Variants in DOCK9 observed in about 807,000 individuals in gnomAD.
DOCK9 encodes the protein dedicator of cytokinesis protein 9.
DOCK9 carries 89 observed loss-of-function variants against 263.3 expected under a neutral mutation model. That is an observed-to-expected ratio of 0.34 (90% confidence interval 0.28 to 0.40). DOCK9 has a LOEUF of 0.40. DOCK9 is among the 10% of genes least tolerant of loss of function. The pLI is 1.00. For synonymous variants in DOCK9, 976 were observed against 973.1 expected (o/e 1.00, Z -0.06); for missense variants, 2,140 against 2,603.4 (o/e 0.82, Z 3.87).
rs760842420 is a variant in DOCK9 at position 98,846,031 on chromosome 13, T to G, written c.4091A>C (p.His1364Pro). ...RNQEGLGPIV[H>P]DRKSQTLPVS... ...AGGCAATGTCTGAGACTTTCGATCA[T>G]GAACTATGGGTCCCAACCCCTCCTG... is the stretch of plus-strand genomic sequence containing the variant. The change falls in exon 38 of 53, where the codon CAT becomes CCT. Residue 1364 changes from histidine to proline, a missense_variant. His to Pro is a moderately conservative substitution (Grantham distance 77, BLOSUM62 -2). Coordinates refer to ENST00000682017, the MANE Select transcript of DOCK9 (RefSeq NM_001366683.2). The G allele has an allele frequency of 2.1e-5, 34 of 1,594,306 alleles. No homozygotes were observed. The highest frequency in any genetic ancestry group is 3.4e-6 in the Non-Finnish European group (4 of 1,169,688).
intron 12 of DOCK9, 38 bp from the exon 13 acceptor site, chr13:98,901,938 A>G: frequency 6.2e-7 from 1 of 1,602,824 alleles, no homozygotes; most frequent in Non-Finnish European, 8.5e-7. Flanking sequence ...AGCAGAATTC[A>G]CAGCTACGTT....
At chr13:99,003,259 C>A (rs370109297) in intron 1 of DOCK9, among the ~76,000 whole-genome samples, 1 of 152,202 alleles carries the variant, frequency 6.6e-6, no homozygotes, top group Non-Finnish European at 1.5e-5. Flanking sequence ...GTCTTCAAGC[C>A]GTTGGCATTT....
At chr13:98,963,096 G>A (rs1366243169) in intron 1 of DOCK9, among the ~76,000 whole-genome samples, 1 of 152,070 alleles carries the variant, frequency 6.6e-6, no homozygotes, top group Non-Finnish European at 1.5e-5. Context: ...TGATACCGAG[G>A]CCCCGCCAGT....
In DOCK9 at chr13:98,954,863, T is replaced by TACACACACACACACACACAC. The variant is rs71719426; in HGVS notation, c.243+552_243+571dup. On this transcript the variant is annotated intron_variant, in intron 2 of 52. Coordinates refer to ENST00000682017, the MANE Select transcript of DOCK9 (RefSeq NM_001366683.2). ...CAGAGTATAGCACTTTTATTCAAGATACACACACACACACACACACACACA... is the reference window on the plus strand; with the variant it reads ...CAGAGTATAGCACTTTTATTCAAGATACACACACACACACACACACACACACACACACACACACACACACA... Among the ~76,000 whole-genome samples the TACACACACACACACACACAC allele has an allele frequency of 2.4e-3, 353 of 146,578 alleles. 6 individuals carry two copies. The East Asian group carries it at 0.051, about 21-fold the overall frequency.
At chr13:98,796,228 A>G (rs778215961) in intron 52 of DOCK9, 2 of 1,585,412 alleles carry the variant, frequency 1.3e-6, no homozygotes, top group Non-Finnish European at 8.6e-7. Flanking sequence ...ACGTGTTAGC[A>G]TGGAGGAGAA....
At chr13:98,847,604 C>A (rs1296714520) in intron 37 of DOCK9, 1 of 152,002 alleles carries the variant, frequency 6.6e-6, no homozygotes, top group Admixed American at 6.6e-5. Context: ...CAGAAAAGAA[C>A]AATGTTAACA....
intron 1 of DOCK9, among the ~76,000 whole-genome samples, chr13:98,997,036 G>T (rs1881211473): frequency 6.6e-6 from 1 of 152,210 alleles, no homozygotes; most frequent in Non-Finnish European, 1.5e-5. Flanking sequence ...AATGGGAAAG[G>T]AGTATTGGGA....
At chr13:99,015,667 C>T (rs1885295701) in intron 1 of DOCK9, 1 of 1,507,472 alleles carries the variant, frequency 6.6e-7, no homozygotes, top group Admixed American at 2.0e-5. Context: ...ACATCCTCTT[C>T]CTTGGCTCTT....
chr13:98,961,453 G>A (rs941537899), intron 1 of DOCK9, among the ~76,000 whole-genome samples: 24 of 152,160 alleles, frequency 1.6e-4, no homozygotes, highest in African/African-American at 5.1e-4. Flanking sequence ...TACAAAGAAC[G>A]CAAATGTGGC....
chr13:98,848,287 G>C (rs1010682782), intron 37 of DOCK9, among the ~76,000 whole-genome samples: 1 of 152,180 alleles, frequency 6.6e-6, no homozygotes, highest in African/African-American at 2.4e-5. Flanking sequence ...GGGGAGAAGA[G>C]GATGGGAAGG....
chr13:99,074,135 C>T (rs957803014), intron 1 of DOCK9, among the ~76,000 whole-genome samples: 7 of 152,394 alleles, frequency 4.6e-5, no homozygotes, highest in African/African-American at 1.7e-4. Context: ...CCTGCTGACG[C>T]AGCTACAGCT....
chr13:98,971,233 G>A (rs569336181), intron 1 of DOCK9, among the ~76,000 whole-genome samples: 6 of 152,124 alleles, frequency 3.9e-5, no homozygotes, highest in Non-Finnish European at 7.4e-5. Flanking sequence ...TGGCCCACCC[G>A]TGCCACCAGC....
Position 98,794,751 on chromosome 13 carries a change from T to G in DOCK9, c.6157-3A>C. On this transcript the variant is annotated splice_polypyrimidine_tract_variant and splice_region_variant and intron_variant, in intron 52 of 52. Transcript: ENST00000682017. ...GTCTTCTCCTCCAGGGGGCAGATCT[T>G]GAGGACAGAAACACAACGTTACTGA... 6.2e-7 allele frequency: 1 copy of G among 1,613,692 alleles called. No homozygotes were observed. Among genetic ancestry groups the G allele is most frequent in the Non-Finnish European group, 8.5e-7 (1 of 1,179,812 alleles).
At chr13:98,902,606 T>A in intron 11 of DOCK9, 115 bp from the exon 12 acceptor site, 1 of 933,920 alleles carries the variant, frequency 1.1e-6, no homozygotes, top group Non-Finnish European at 1.6e-6. Flanking sequence ...AAATTACTAC[T>A]AAACAGTCTC....
chr13:98,978,081 T>G, upstream of DOCK9: 2 of 1,420,026 alleles, frequency 1.4e-6, no homozygotes, highest in South Asian at 3.3e-5. Context: ...TGGGAAGGCA[T>G]GACAGCAAAG....
intron 6 of DOCK9, 40 bp downstream of exon 6, chr13:98,922,011 G>C (rs1167614406): frequency 6.8e-7 from 1 of 1,481,168 alleles, no homozygotes; most frequent in Admixed American, 1.9e-5. Context: ...TGGCAGAAAG[G>C]GCTTGTGAGA....
At chr13:98,978,143 G>A, upstream of DOCK9, 1 of 1,355,792 alleles carries the variant, frequency 7.4e-7, no homozygotes, top group Non-Finnish European at 9.5e-7. Context: ...GCTCCTACTT[G>A]CTGGCCAAAG....
Position 99,016,503 on chromosome 13 carries a change from C to T in DOCK9, c.130-60952G>A, listed in dbSNP as rs984391730. On this transcript the variant is annotated intron_variant, in intron 1 of 32. Coordinates refer to the DOCK9 transcript ENST00000427887. Reference sequence around the variant, plus strand: ...TAGATGCATGCCTTCTGAAGCAGCACTCCAGTATGCAATGGGAAATACATG... The same window carrying T: ...TAGATGCATGCCTTCTGAAGCAGCATTCCAGTATGCAATGGGAAATACATG... 4.6e-5 allele frequency among the ~76,000 whole-genome samples: 7 copies of T among 152,208 alleles called. No homozygotes were observed. In the East Asian group the frequency reaches 1.2e-3, roughly 25 times the overall value.
chr13:99,041,901 G>A (rs960090868), intron 1 of DOCK9, among the ~76,000 whole-genome samples: 1 of 152,220 alleles, frequency 6.6e-6, no homozygotes, highest in Non-Finnish European at 1.5e-5. Flanking sequence ...GAATCTGGAG[G>A]AGGCAAAGAA....
Sources: allele counts gnomAD v4.1 joint callset (sites outside exome capture counted in the v4.1 genomes callset), GRCh38; gene constraint gnomAD v4.1.1; transcripts MANE v1.5; gene names NCBI Gene and HGNC (gene_info 2026-07-23, HGNC 2026-07-21).